The following GRIK1 variants were observed in gnomAD, a reference collection of about 807,000 sequenced individuals.
GRIK1 encodes the protein glutamate receptor ionotropic, kainate 1.
Under a neutral mutation model 105.7 loss-of-function variants are expected in GRIK1, and 69 were observed. The ratio of observed to expected loss-of-function variants is 0.65; its 90% CI spans 0.54 to 0.80. The LOEUF (loss-of-function observed/expected upper bound fraction) is 0.80, where lower values mean the gene tolerates loss of function less well. Ranked by LOEUF, GRIK1 falls within the 30% of genes least tolerant of loss-of-function variation. GRIK1 has a pLI of 0.00. For missense variants in GRIK1, 1,109 were observed against 1,167.3 expected (o/e 0.95, Z 0.73); for synonymous variants, 438 against 431.3 (o/e 1.02, Z -0.19).
At chr21:29,788,198 T>C (rs554010695) in intron 1 of GRIK1, among the ~76,000 whole-genome samples, 1 of 152,320 alleles carries the variant, frequency 6.6e-6, no homozygotes, top group East Asian at 1.9e-4. Flanking sequence ...TGTCAGATTG[T>C]GATAAGTCCC....
chr21:29,726,881 T>A lies in GRIK1; in HGVS notation c.119-32818A>T, dbSNP rs140607016. Among the ~76,000 whole-genome samples the A allele has an allele frequency of 8.6e-4, 130 of 151,638 alleles. 3 individuals carry two copies. In the East Asian group the frequency reaches 0.024, roughly 28 times the overall value. ...TTAATGTTCATATAATCTAAATCTG[T>A]CTACTGTATTATTTTGGGGTCAATT... On this transcript the variant is annotated intron_variant, in intron 1 of 17. Transcript: ENST00000327783.
At chr21:29,573,715 A>G (rs2090812921) in intron 14 of GRIK1, among the ~76,000 whole-genome samples, 1 of 152,060 alleles carries the variant, frequency 6.6e-6, no homozygotes, top group African/African-American at 2.4e-5. Context: ...CAGGCATGGT[A>G]GCATGCACCT....
chr21:29,867,865 A>AAG (rs1177853109), intron 1 of GRIK1, among the ~76,000 whole-genome samples: 1,924 of 69,980 alleles, frequency 0.027, 40 homozygotes, highest in African/African-American at 0.071. Context: ...AGAAAGAGAG[A>AAG]GAAAGAGAGA....
intron 1 of GRIK1, among the ~76,000 whole-genome samples, chr21:29,895,689 C>T (rs534652047): frequency 5.3e-5 from 8 of 152,294 alleles, no homozygotes; most frequent in Admixed American, 5.2e-4. Flanking sequence ...TTCAGGTCTT[C>T]ATATTGGTCT....
intron 1 of GRIK1, among the ~76,000 whole-genome samples, chr21:29,814,120 A>T (rs192199029): frequency 0.049 from 6,904 of 140,520 alleles, 227 homozygotes; most frequent in Middle Eastern, 0.13. Flanking sequence ...AATAATTATT[A>T]TTTTTTTTTT....
At position 29,816,875 on chromosome 21, in the gene GRIK1, G is replaced by C. The variant is rs192099813; in HGVS notation, c.118+122508C>G. ...GAGTAAGTTCTAGTGTTTGATAGCA[G>C]AGTAGGGTGACTATAGTTAACAACA... On this transcript the variant is annotated intron_variant, in intron 1 of 17. Transcript: ENST00000327783. Among the ~76,000 whole-genome samples the C allele has an allele frequency of 1.9e-3, 287 of 152,216 alleles. 1 individual carries two copies. The highest frequency in any genetic ancestry group is 0.01 in the Middle Eastern group (3 of 294).
intron 1 of GRIK1, among the ~76,000 whole-genome samples, chr21:29,924,770 T>C (rs747167883): frequency 2.0e-5 from 3 of 152,184 alleles, no homozygotes; most frequent in Non-Finnish European, 2.9e-5. Context: ...CTCTTAGAGG[T>C]GAGGTGGTCT....
chr21:29,648,799 C>CT (rs1237825694), intron 6 of GRIK1, among the ~76,000 whole-genome samples: 1 of 152,114 alleles, frequency 6.6e-6, no homozygotes, highest in Non-Finnish European at 1.5e-5. Flanking sequence ...CATGGAGGCT[C>CT]TGTCTGGTGA....
chr21:29,547,279 C>A (rs914564532), intron 16 of GRIK1, among the ~76,000 whole-genome samples: 2 of 152,272 alleles, frequency 1.3e-5, no homozygotes, highest in Non-Finnish European at 1.5e-5. Flanking sequence ...CCAGGGGAGG[C>A]CTTTCTGCCT....
intron 10 of GRIK1, 61 bp downstream of exon 10, chr21:29,591,051 G>T: frequency 1.1e-6 from 1 of 892,356 alleles, no homozygotes; most frequent in Non-Finnish European, 1.9e-6. Flanking sequence ...GTTGAGGAAT[G>T]CTTCGAAGTC....
chr21:29,779,455 A>G (rs978032212), intron 1 of GRIK1, among the ~76,000 whole-genome samples: 12 of 150,646 alleles, frequency 8.0e-5, no homozygotes, highest in African/African-American at 2.9e-4. Flanking sequence ...TATAATTAAG[A>G]CAATATAATA....
intron 1 of GRIK1, among the ~76,000 whole-genome samples, chr21:29,879,855 AT>A (rs34450219): frequency 0.33 from 49,206 of 150,798 alleles, 9,768 homozygotes; most frequent in African/African-American, 0.55. Context: ...CAGTTCTTTG[AT>A]TTTTTTTTTA....
At chr21:29,764,760 C>G (rs1352311631) in intron 1 of GRIK1, among the ~76,000 whole-genome samples, 1 of 152,134 alleles carries the variant, frequency 6.6e-6, no homozygotes, top group African/African-American at 2.4e-5. Flanking sequence ...CTGCTCCTCA[C>G]AAAAGCATCA....
At chr21:29,939,289 G>A in intron 1 of GRIK1, 94 bp downstream of exon 1, 2 of 736,148 alleles carry the variant, frequency 2.7e-6, no homozygotes, top group African/African-American at 3.5e-5. Flanking sequence ...CGGCTCCTGC[G>A]CCGCCGCGCG....
intron 1 of GRIK1, among the ~76,000 whole-genome samples, chr21:29,891,288 C>T (rs1248607989): frequency 2.6e-5 from 4 of 152,084 alleles, no homozygotes; most frequent in Non-Finnish European, 4.4e-5. Context: ...TCAGTATCAT[C>T]GAGAATCTCA....
chr21:29,890,597 A>C (rs574707981), intron 1 of GRIK1, among the ~76,000 whole-genome samples: 184 of 152,270 alleles, frequency 1.2e-3, no homozygotes, highest in African/African-American at 4.2e-3. Flanking sequence ...ATGTTGTATA[A>C]TACTAGTATA....
chr21:29,722,997 C>G (rs1242958849), intron 1 of GRIK1, among the ~76,000 whole-genome samples: 2 of 152,130 alleles, frequency 1.3e-5, no homozygotes, highest in African/African-American at 2.4e-5. Context: ...CTTCAAGTAA[C>G]ACTTATTACT....
intron 7 of GRIK1, chr21:29,630,830 C>CT: frequency 2.9e-6 from 1 of 350,294 alleles, no homozygotes; most frequent in Non-Finnish European, 5.6e-6. Context: ...CTCTTGTTCT[C>CT]TCTCTGTCAC....
chr21:29,548,178 T>C (rs894696933), intron 16 of GRIK1, among the ~76,000 whole-genome samples: 1 of 152,214 alleles, frequency 6.6e-6, no homozygotes, highest in Non-Finnish European at 1.5e-5. Flanking sequence ...CATTGCAACA[T>C]GGACACACAT....
Sources: allele counts gnomAD v4.1 joint callset (sites outside exome capture counted in the v4.1 genomes callset), GRCh38; gene constraint gnomAD v4.1.1; transcripts MANE v1.5; gene names NCBI Gene and HGNC (gene_info 2026-07-23, HGNC 2026-07-21).